Variants in EFCAB6 observed in about 807,000 individuals in gnomAD.
EFCAB6 encodes the protein EF-hand calcium binding domain 6.
Under a neutral mutation model 169.8 loss-of-function variants are expected in EFCAB6, and 156 were observed. The ratio of observed to expected loss-of-function variants is 0.92; its 90% confidence interval spans 0.81 to 1.05. The LOEUF (loss-of-function observed/expected upper bound fraction) is 1.05, where lower values mean the gene tolerates loss of function less well. Ranked by LOEUF, EFCAB6 falls within the 50% of genes least tolerant of loss-of-function variation. The pLI is 0.00. For synonymous variants in EFCAB6, 698 were observed against 676.4 expected, an observed-to-expected ratio of 1.03 and a Z score of -0.50; for missense variants, 1,800 against 1,829.1, an observed-to-expected ratio of 0.98 and a Z score of 0.29.
intron 2 of EFCAB6, among the ~76,000 whole-genome samples, chr22:43,785,111 T>G (rs1231397759): frequency 1.3e-5 from 2 of 152,096 alleles, no homozygotes; most frequent in African/African-American, 4.8e-5. Context: ...CATTTAATAA[T>G]GGGTAGAATA....
At chr22:43,763,968 GT>G (rs1194218438) in intron 5 of EFCAB6, among the ~76,000 whole-genome samples, 1 of 151,982 alleles carries the variant, frequency 6.6e-6, no homozygotes, top group African/African-American at 2.4e-5. Context: ...TCACTATATC[GT>G]CCAGGCTGGT....
intron 17 of EFCAB6, among the ~76,000 whole-genome samples, chr22:43,646,235 C>A (rs2056148541): frequency 2.0e-5 from 3 of 152,222 alleles, no homozygotes; most frequent in Non-Finnish European, 4.4e-5. Flanking sequence ...ACTTCCCCTG[C>A]AGAATCCCAG....
chr22:43,577,364 C>T (rs1004585229), intron 25 of EFCAB6, among the ~76,000 whole-genome samples: 13 of 152,164 alleles, frequency 8.5e-5, no homozygotes, highest in Admixed American at 2.6e-4. Context: ...TAATTAGGCA[C>T]GCCCCATTGG....
In EFCAB6 at chr22:43,765,465, T is replaced by C. The variant is rs1042875735; in HGVS notation, c.352-72A>G. ...CAAGCAATAGACGGTAAAGCAGATT[T>C]CTAAATCACAGCTCTCAGGATGTAA... is the stretch of plus-strand genomic sequence containing the variant. On this transcript the variant is annotated intron_variant, in intron 4 of 31. Transcript: ENST00000262726. 32 of 1,152,650 alleles carry C rather than the reference T, an allele frequency of 2.8e-5. No individual in the cohort carries two copies. In the African/African-American group the frequency reaches 4.6e-4, roughly 16 times the overall value. The allele number at this position is 1,152,650 out of a possible 1,614,324, so 71.4% of individuals were successfully genotyped here.
chr22:43,603,581 T>C (rs1003827477), intron 22 of EFCAB6, among the ~76,000 whole-genome samples: 5 of 152,270 alleles, frequency 3.3e-5, no homozygotes, highest in Admixed American at 3.3e-4. Flanking sequence ...GCTAAGAATG[T>C]CTTAGTCCTT....
intron 17 of EFCAB6, among the ~76,000 whole-genome samples, chr22:43,663,241 C>G (rs1366263962): frequency 6.6e-6 from 1 of 152,180 alleles, no homozygotes; most frequent in Non-Finnish European, 1.5e-5. Context: ...ACTTAGAGCT[C>G]TCTTGAGAAG....
rs575161372 is a variant in EFCAB6, at chr22:43,582,086, C to T, written c.3033-1427G>A. ...TCAATACATAAAAAAGTTGATCACC[C>T]GCATTGAAAGGTGGGCTTCAGAAAT... is the stretch of plus-strand genomic sequence containing the variant. On this transcript the variant is annotated intron_variant, in intron 24 of 31. Coordinates refer to ENST00000262726, the MANE Select transcript of EFCAB6 (RefSeq NM_022785.4). 1.5e-4 allele frequency among the ~76,000 whole-genome samples: 23 copies of T among 152,224 alleles called. 1 individual carries two copies. The highest frequency in any genetic ancestry group is 4.8e-4 in the African/African-American group (20 of 41,526).
Position 43,667,070 on chromosome 22 carries a change from C to T in EFCAB6, c.1983+34G>A, listed in dbSNP as rs746329444. On this transcript the variant is annotated intron_variant, in intron 17 of 31. Transcript: ENST00000262726. ...GTATAAGAAAACAGCTGAACTTCTG[C>T]AGGATAGAAACAAAGAGAAACCCAT... 1.8e-5 allele frequency: 28 copies of T among 1,595,226 alleles called. 1 individual carries two copies. The highest frequency in any genetic ancestry group is 1.3e-5 in the Non-Finnish European group (15 of 1,170,768).
chr22:43,573,594 G>A (rs1181501807), intron 26 of EFCAB6, among the ~76,000 whole-genome samples: 1 of 152,126 alleles, frequency 6.6e-6, no homozygotes, highest in African/African-American at 2.4e-5. Context: ...AGCCCGGCAT[G>A]GTGGTGCACA....
chr22:43,607,663 A>C (rs1428520235), intron 22 of EFCAB6, among the ~76,000 whole-genome samples: 1 of 152,284 alleles, frequency 6.6e-6, no homozygotes, highest in African/African-American at 2.4e-5. Context: ...CTTGGCCAAC[A>C]TTTCAGCCTT....
chr22:43,530,873 G>T lies in EFCAB6; in HGVS notation c.4325C>A (p.Thr1442Lys). The change falls in exon 31 of 32, where the codon ACG becomes AAG. Residue 1442 changes from threonine (T) to lysine (K), a missense_variant. Physicochemically the swap from Thr to Lys is moderately conservative, Grantham distance 78. Coordinates refer to ENST00000262726, the MANE Select transcript of EFCAB6 (RefSeq NM_022785.4). Reference protein sequence around the residue: ...IVHCWRPMRRTFKSYDEAGTG... With the variant: ...IVHCWRPMRRKFKSYDEAGTG... ...TCCAGCCTCATCATAGCTTTTGAAC[G>T]TGCGCCGCATTGGCCTCCAGCAGTG... is the stretch of plus-strand genomic sequence containing the variant. 2.5e-6 allele frequency: 4 copies of T among 1,614,214 alleles called. No individual in the cohort carries two copies. Among genetic ancestry groups the T allele is most frequent in the Non-Finnish European group, 3.4e-6 (4 of 1,180,042 alleles).
chr22:43,767,819 C>T (rs1449764602), intron 4 of EFCAB6, among the ~76,000 whole-genome samples: 2 of 34,494 alleles, frequency 5.8e-5, no homozygotes, highest in East Asian at 0.01. Flanking sequence ...GAAATTCTTG[C>T]GATGATAGTC....
chr22:43,570,695 C>G, intron 26 of EFCAB6, among the ~76,000 whole-genome samples: 1 of 151,854 alleles, frequency 6.6e-6, no homozygotes, highest in Non-Finnish European at 1.5e-5. Context: ...TCTTTTATGC[C>G]TTCTAGGCCA....
intron 20 of EFCAB6, among the ~76,000 whole-genome samples, chr22:43,618,033 C>T (rs749921633): frequency 7.5e-5 from 11 of 147,502 alleles, no homozygotes; most frequent in African/African-American, 1.5e-4. Context: ...ATCTGGGAGG[C>T]GGAGGTTGCA....
Position 43,687,520 on chromosome 22 carries a change from G to A in EFCAB6, c.1093C>T (p.Pro365Ser), listed in dbSNP as rs1202693371. 8 of 1,604,894 alleles carry A rather than the reference G, an allele frequency of 5.0e-6. No individual in the cohort carries two copies. Among genetic ancestry groups the A allele is most frequent in the Non-Finnish European group, 6.8e-6 (8 of 1,176,946 alleles). ...TTACTGCTAACTTGCAACCCCTGAG[G>A]CTCATGAAATGATGTTAGAAATTGC... ...WKQFLTSFHE[P>S]QGLQVSSKGP... The change falls in exon 11 of 32, where the codon CCT becomes TCT. Residue 365 changes from proline (P) to serine (S), a missense_variant. By Grantham distance (74) the Pro-to-Ser change is moderately conservative (BLOSUM62 -1). Transcript: ENST00000262726.
intron 13 of EFCAB6, among the ~76,000 whole-genome samples, chr22:43,674,718 C>T (rs973590531): frequency 9.2e-5 from 14 of 152,192 alleles, no homozygotes; most frequent in East Asian, 1.9e-4. Context: ...ACATTTTATG[C>T]GCATTATCCT....
intron 19 of EFCAB6, among the ~76,000 whole-genome samples, chr22:43,627,748 C>T (rs536615427): frequency 6.6e-6 from 1 of 152,280 alleles, no homozygotes; most frequent in Non-Finnish European, 1.5e-5. Flanking sequence ...CGCTTGTCCC[C>T]TCTTGTTACA....
At chr22:43,802,360 C>G (rs2148187348) in intron 2 of EFCAB6, among the ~76,000 whole-genome samples, 1 of 152,164 alleles carries the variant, frequency 6.6e-6, no homozygotes, top group African/African-American at 2.4e-5. Context: ...GAAACCCTAT[C>G]TCTACTAAAA....
At chr22:43,564,572 G>A (rs992987821) in intron 26 of EFCAB6, among the ~76,000 whole-genome samples, 15 of 152,196 alleles carry the variant, frequency 9.9e-5, no homozygotes, top group African/African-American at 3.6e-4. Context: ...GGGAGAAGCT[G>A]CCTTACTCAA....
Sources: gnomAD v4.1 joint callset for allele counts (sites outside exome capture counted in the v4.1 genomes callset) on GRCh38, gnomAD v4.1.1 for gene constraint, MANE v1.5 for transcripts, NCBI Gene and HGNC (gene_info 2026-07-23, HGNC 2026-07-21) for gene names.